The following TIMM23B variants were observed in gnomAD, a reference collection of about 807,000 sequenced individuals.
TIMM23B encodes mitochondrial import inner membrane translocase subunit Tim23B.
A neutral mutation model predicts 27.3 loss-of-function variants in TIMM23B; 27 were observed. The observed-to-expected ratio is 0.99, with a 90% CI of 0.73 to 1.36. The LOEUF is 1.36. TIMM23B is among the 40% of genes most tolerant of loss of function. The probability of loss-of-function intolerance (pLI) is 0.00; values close to 1 mark genes in which losing one functional copy is unlikely to be tolerated. For missense variants in TIMM23B, 205 were observed against 244.2 expected (o/e 0.84, Z 1.07); for synonymous variants, 73 against 92.4 (o/e 0.79, Z 1.21).
At chr10:49,951,979 A>C in intron 2 of TIMM23B, 147 bp from the exon 3 acceptor site, 2 of 612,340 alleles carry the variant, frequency 3.3e-6, no homozygotes, top group Non-Finnish European at 5.8e-6. Context: ...TTACTGCTGC[A>C]GAAAGTTTTA....
At chr10:49,950,152 A>G (rs1839479189) in intron 2 of TIMM23B, among the ~76,000 whole-genome samples, 1 of 151,904 alleles carries the variant, frequency 6.6e-6, no homozygotes, top group Non-Finnish European at 1.5e-5. Context: ...AATATTTTTA[A>G]CATCCATAGT....
intron 6 of TIMM23B, among the ~76,000 whole-genome samples, chr10:49,959,067 A>G (rs1839814694): frequency 6.6e-6 from 1 of 152,214 alleles, no homozygotes; most frequent in Non-Finnish European, 1.5e-5. Flanking sequence ...TGCTACGAAT[A>G]TGGATGTACA....
chr10:49,970,781 G>C (rs1413256111), intron 6 of TIMM23B, among the ~76,000 whole-genome samples: 1 of 152,200 alleles, frequency 6.6e-6, no homozygotes, highest in Non-Finnish European at 1.5e-5. Flanking sequence ...CACCCCTTCT[G>C]GGAAGTGAGG....
At chr10:49,960,531 T>G (rs1444829755) in intron 6 of TIMM23B, among the ~76,000 whole-genome samples, 18 of 152,184 alleles carry the variant, frequency 1.2e-4, no homozygotes, top group Non-Finnish European at 2.2e-4. Flanking sequence ...TTATATAGGT[T>G]AGCTCATTTA....
At chr10:49,955,721 A>T (rs1363878764) in intron 5 of TIMM23B, among the ~76,000 whole-genome samples, 162 of 152,318 alleles carry the variant, frequency 1.1e-3, no homozygotes, top group African/African-American at 3.8e-3. Context: ...AAATTGTGGC[A>T]GATTAAGGAG....
chr10:49,952,609 C>T (rs1465595486), intron 4 of TIMM23B, 76 bp downstream of exon 4: 2 of 1,508,904 alleles, frequency 1.3e-6, no homozygotes, highest in African/African-American at 2.8e-5. Flanking sequence ...TGAGTACAAC[C>T]TTGAGATTAC....
intron 6 of TIMM23B, among the ~76,000 whole-genome samples, chr10:49,970,863 C>T (rs1446553491): frequency 2.0e-5 from 3 of 152,096 alleles, no homozygotes; most frequent in East Asian, 3.9e-4. Context: ...GCCATGATGA[C>T]GATGGCGGTT....
rs538327683 is a variant in TIMM23B, at chr10:49,973,279, G to A, written c.*215G>A. On this transcript the variant is annotated 3_prime_UTR_variant, in exon 7 of 7. Coordinates refer to ENST00000651259, the MANE Select transcript of TIMM23B (RefSeq NM_001290117.2). Reference sequence around the variant, plus strand: ...ACTGTTTATTTATGCTGTTATTTTTGTGTTTACTCACCTCATTTATATTGA... The same window carrying A: ...ACTGTTTATTTATGCTGTTATTTTTATGTTTACTCACCTCATTTATATTGA... 3.9e-3 allele frequency: 1,799 copies of A among 461,150 alleles called. 4 individuals carry two copies. The highest frequency in any genetic ancestry group is 5.7e-3 in the Non-Finnish European group (1,484 of 262,424). The allele number at this position is 461,150 out of a possible 1,614,324, so 28.6% of individuals were successfully genotyped here. A position where few individuals can be genotyped will look rare whatever the true frequency, so the allele number is the denominator to read the frequency against.
intron 6 of TIMM23B, among the ~76,000 whole-genome samples, chr10:49,964,327 TGAAATGA>T (rs1220883236): frequency 5.2e-4 from 67 of 128,292 alleles, no homozygotes; most frequent in African/African-American, 1.9e-3. Context: ...ATGAAATAAA[TGAAATGA>T]GAAATGATGA....
At chr10:49,970,817 A>G (rs1248423928) in intron 6 of TIMM23B, among the ~76,000 whole-genome samples, 3 of 152,084 alleles carry the variant, frequency 2.0e-5, no homozygotes, top group African/African-American at 7.2e-5. Flanking sequence ...CCGCCACCCC[A>G]TCTGGGAGGT....
At position 49,964,763 on chromosome 10, in the gene TIMM23B, A is replaced by C. The variant is rs560768527; in HGVS notation, c.514+6283A>C. ...ATGAAATGAAATGAAGAAATGAAATAATGAATAATGAAATGCCGGGTGAAA... is the reference window on the plus strand; with the variant it reads ...ATGAAATGAAATGAAGAAATGAAATCATGAATAATGAAATGCCGGGTGAAA... On this transcript the variant is annotated intron_variant, in intron 6 of 6. Coordinates refer to ENST00000651259, the MANE Select transcript of TIMM23B (RefSeq NM_001290117.2). 1.0e-3 allele frequency among the ~76,000 whole-genome samples: 156 copies of C among 151,946 alleles called. 4 individuals are homozygous for C. In the South Asian group the frequency reaches 0.03, roughly 29 times the overall value.
intron 3 of TIMM23B, 54 bp from the exon 4 acceptor site, chr10:49,952,395 T>G (rs1162369671): frequency 5.3e-5 from 73 of 1,372,062 alleles, no homozygotes; most frequent in South Asian, 1.8e-4. Flanking sequence ...AGTTTTGAGG[T>G]TTTTTTTTTA....
chr10:49,971,452 A>AC (rs1454863596), intron 6 of TIMM23B, among the ~76,000 whole-genome samples: 1 of 152,210 alleles, frequency 6.6e-6, no homozygotes, highest in Non-Finnish European at 1.5e-5. Flanking sequence ...AAACAAACAA[A>AC]AAAAGAGAAT....
At chr10:49,950,627 C>T (rs1480088123) in intron 2 of TIMM23B, among the ~76,000 whole-genome samples, 1 of 150,992 alleles carries the variant, frequency 6.6e-6, no homozygotes, top group African/African-American at 2.4e-5. Flanking sequence ...ACTGCAACCT[C>T]CACCCCCGGG....
chr10:49,955,526 C>G (rs1839685640), intron 5 of TIMM23B, among the ~76,000 whole-genome samples: 1 of 152,164 alleles, frequency 6.6e-6, no homozygotes, highest in African/African-American at 2.4e-5. Context: ...GAATAGGTTC[C>G]TTGTAGATAA....
intron 1 of TIMM23B, 148 bp downstream of exon 1, chr10:49,942,448 A>C (rs1441461840): frequency 3.5e-6 from 5 of 1,409,250 alleles, no homozygotes; most frequent in Non-Finnish European, 3.8e-6. Context: ...GTGTATCTGC[A>C]TGGCTGCTCT....
In TIMM23B at chr10:49,970,318, T is replaced by G. The variant is rs551298787; in HGVS notation, c.515-2694T>G. 93 of 150,562 alleles carry G rather than the reference T, an allele frequency of 6.2e-4. 1 individual carries two copies. The East Asian group carries it at 0.018, about 30-fold the overall frequency. 9.3% of individuals were successfully genotyped at this position (150,562 alleles called of 1,614,324 possible). A position where few individuals can be genotyped will look rare whatever the true frequency, so the allele number is the denominator to read the frequency against. On this transcript the variant is annotated intron_variant, in intron 6 of 6. Coordinates refer to ENST00000651259, the MANE Select transcript of TIMM23B (RefSeq NM_001290117.2). ...AGTCTGGGAAGTGAGGAGCGCCTTT[T>G]CCCGGCTGCCATCCCGTCTAGGAAG... is the stretch of plus-strand genomic sequence containing the variant.
At chr10:49,970,618 G>C (rs1222638378) in intron 6 of TIMM23B, among the ~76,000 whole-genome samples, 2 of 144,742 alleles carry the variant, frequency 1.4e-5, no homozygotes, top group East Asian at 2.0e-4. Context: ...TCCGGGAGGT[G>C]GGGGGGCAGC....
At chr10:49,948,892 CTTT>C (rs1199055230) in intron 2 of TIMM23B, among the ~76,000 whole-genome samples, 1 of 152,004 alleles carries the variant, frequency 6.6e-6, no homozygotes, top group Non-Finnish European at 1.5e-5. Context: ...TTCTCTCTCT[CTTT>C]TTTTTCTAAG....
Sources: allele counts gnomAD v4.1 joint callset (sites outside exome capture counted in the v4.1 genomes callset), GRCh38; gene constraint gnomAD v4.1.1; transcripts MANE v1.5; gene names NCBI Gene and HGNC (gene_info 2026-07-23, HGNC 2026-07-21).